Variants in STOX2 observed in about 807,000 individuals in gnomAD.
STOX2 encodes storkhead box 2.
Under a neutral mutation model 60.9 loss-of-function variants are expected in STOX2, and 28 were observed. The observed-to-expected ratio is 0.46, with a 90% CI of 0.34 to 0.63. STOX2 has a LOEUF of 0.63. Ranked by LOEUF, STOX2 falls within the 30% of genes least tolerant of loss-of-function variation. The pLI, the probability that STOX2 is intolerant of heterozygous loss-of-function variation, is 0.01. For synonymous variants in STOX2, 472 were observed against 463.9 expected, an observed-to-expected ratio of 1.02 and a Z score of -0.22; for missense variants, 1,024 against 1,187.7, an observed-to-expected ratio of 0.86 and a Z score of 2.03.
chr4:183,823,122 G>A (rs1028354909), intron 1 of STOX2, among the ~76,000 whole-genome samples: 5 of 152,230 alleles, frequency 3.3e-5, no homozygotes, highest in Non-Finnish European at 5.9e-5. Flanking sequence ...TGGGCTGAGC[G>A]TGGTGGCTCA....
intron 1 of STOX2, among the ~76,000 whole-genome samples, chr4:183,932,639 G>T (rs111661084): frequency 5.9e-5 from 9 of 152,222 alleles, no homozygotes; most frequent in African/African-American, 1.7e-4. Flanking sequence ...TCCCTGTGAA[G>T]ATCTTGAGCA....
At chr4:183,805,328 G>A (rs1241567100) in intron 1 of STOX2, among the ~76,000 whole-genome samples, 1 of 152,188 alleles carries the variant, frequency 6.6e-6, no homozygotes, top group Non-Finnish European at 1.5e-5. Context: ...GACATGATAT[G>A]ATTTCCAACA....
At chr4:183,863,256 A>G (rs1740491400) in intron 1 of STOX2, among the ~76,000 whole-genome samples, 1 of 152,166 alleles carries the variant, frequency 6.6e-6, no homozygotes, top group South Asian at 2.1e-4. Flanking sequence ...AAGGAAACCC[A>G]TGAACTGTGC....
At chr4:184,013,573 C>T (rs1734244776) in intron 3 of STOX2, among the ~76,000 whole-genome samples, 2 of 152,080 alleles carry the variant, frequency 1.3e-5, no homozygotes, top group African/African-American at 4.8e-5. Context: ...CTAATTTTAC[C>T]CCTTTCATAT....
chr4:183,953,611 C>A (rs965291686), intron 1 of STOX2, among the ~76,000 whole-genome samples: 1 of 148,476 alleles, frequency 6.7e-6, no homozygotes, highest in African/African-American at 2.5e-5. Context: ...AATCGCCCAG[C>A]CTGGAGTGCA....
At chr4:183,977,114 G>T (rs1347530963) in intron 1 of STOX2, among the ~76,000 whole-genome samples, 1 of 152,126 alleles carries the variant, frequency 6.6e-6, no homozygotes, top group East Asian at 1.9e-4. Context: ...TAAAGTCTGG[G>T]CTTTTAGTGT....
intron 1 of STOX2, among the ~76,000 whole-genome samples, chr4:183,874,176 A>G (rs1187021128): frequency 6.6e-6 from 1 of 152,134 alleles, no homozygotes; most frequent in African/African-American, 2.4e-5. Context: ...GACTTGGAGA[A>G]AAAAAAATGT....
At chr4:183,839,193 G>C (rs1739789062) in intron 1 of STOX2, among the ~76,000 whole-genome samples, 1 of 152,120 alleles carries the variant, frequency 6.6e-6, no homozygotes, top group South Asian at 2.1e-4. Flanking sequence ...TAAGGCCTTT[G>C]ATTGGACGAG....
At chr4:183,878,642 G>A (rs1740884380) in intron 1 of STOX2, among the ~76,000 whole-genome samples, 1 of 152,170 alleles carries the variant, frequency 6.6e-6, no homozygotes, top group African/African-American at 2.4e-5. Flanking sequence ...AAAATTTTCT[G>A]TATAACGACC....
intron 1 of STOX2, among the ~76,000 whole-genome samples, chr4:183,807,121 C>T (rs1044836603): frequency 2.6e-5 from 4 of 152,092 alleles, no homozygotes; most frequent in Non-Finnish European, 4.4e-5. Flanking sequence ...TGCAGGCGAC[C>T]ACCACCACGC....
intron 1 of STOX2, among the ~76,000 whole-genome samples, chr4:183,859,681 G>T (rs1255463274): frequency 6.6e-6 from 1 of 152,222 alleles, no homozygotes. Flanking sequence ...TTGCATGCAG[G>T]GAACTTGTTG....
At position 183,906,937 on chromosome 4, in the gene STOX2, G is replaced by T. The variant is rs988096380; in HGVS notation, c.147G>T (p.Ser49=). The part of the protein sequence containing the change: ...RFPAAFAPQA[S]RGYMTSGDVS... Reference sequence around the variant, plus strand: ...CCGCGGCCTTCGCGCCCCAGGCTTCGCGGGGCTACATGACATCAGGTTGGT... The same window carrying T: ...CCGCGGCCTTCGCGCCCCAGGCTTCTCGGGGCTACATGACATCAGGTTGGT... The change falls in exon 1 of 4, where the codon TCG becomes TCT. Residue 49 remains serine, a synonymous_variant. Transcript: ENST00000308497. 6.5e-7 allele frequency: 1 copy of T among 1,548,176 alleles called. No homozygotes were observed. Among genetic ancestry groups the T allele is most frequent in the Non-Finnish European group, 8.7e-7 (1 of 1,144,852 alleles).
chr4:183,965,313 A>G (rs1743533430), intron 1 of STOX2, among the ~76,000 whole-genome samples: 1 of 152,186 alleles, frequency 6.6e-6, no homozygotes, highest in Non-Finnish European at 1.5e-5. Flanking sequence ...TTACACCCAC[A>G]TCACAGGTTA....
chr4:183,835,640 T>C (rs1033077201), intron 1 of STOX2, among the ~76,000 whole-genome samples: 19 of 152,192 alleles, frequency 1.2e-4, no homozygotes, highest in Admixed American at 1.1e-3. Flanking sequence ...CCTCACATTG[T>C]TACTGGAGGC....
At chr4:183,932,538 C>A (rs1742469493) in intron 1 of STOX2, among the ~76,000 whole-genome samples, 1 of 151,366 alleles carries the variant, frequency 6.6e-6, no homozygotes, top group African/African-American at 2.4e-5. Flanking sequence ...ATATATTATA[C>A]AGTAGAAATG....
At position 183,837,364 on chromosome 4, in the gene STOX2, T is replaced by C. The variant is rs80183664; in HGVS notation, c.364+39309T>C. Among the ~76,000 whole-genome samples the C allele has an allele frequency of 7.6e-4, 115 of 152,264 alleles. 1 individual carries two copies. Among genetic ancestry groups the C allele is most frequent in the African/African-American group, 2.6e-3 (110 of 41,548 alleles). ...TATTCTACTTGCTGCCTTATGGAGT[T>C]TCCTATTCTAGGTACTTCCTATAAG... On this transcript the variant is annotated intron_variant, in intron 1 of 2. Transcript: ENST00000513034.
At chr4:183,948,209 A>G (rs1314106016) in intron 1 of STOX2, among the ~76,000 whole-genome samples, 19 of 89,682 alleles carry the variant, frequency 2.1e-4, no homozygotes, top group African/African-American at 7.1e-4. Context: ...CAAGAGCAAA[A>G]CTCCATCTCA....
chr4:184,015,829 TG>T (rs1299318526), intron 3 of STOX2: 2 of 152,240 alleles, frequency 1.3e-5, no homozygotes, highest in Non-Finnish European at 2.9e-5. Context: ...AGAATGCTTC[TG>T]GCTTCCTCAA....
chr4:183,907,499 G>A (rs1741654754), intron 1 of STOX2, among the ~76,000 whole-genome samples: 1 of 152,218 alleles, frequency 6.6e-6, no homozygotes, highest in African/African-American at 2.4e-5. Context: ...TAATGGTGTG[G>A]ATGCGGATTG....
Sources: gnomAD v4.1 joint callset for allele counts (sites outside exome capture counted in the v4.1 genomes callset) on GRCh38, gnomAD v4.1.1 for gene constraint, MANE v1.5 for transcripts, NCBI Gene and HGNC (gene_info 2026-07-23, HGNC 2026-07-21) for gene names.